Variants in GRIN2A observed in about 807,000 individuals in gnomAD.
The protein encoded by GRIN2A is glutamate ionotropic receptor NMDA type subunit 2A, also known as glutamate receptor ionotropic, NMDA 2A.
Under a neutral mutation model 113.4 loss-of-function variants are expected in GRIN2A, and 22 were observed. The ratio of observed to expected loss-of-function variants is 0.19; its 90% CI spans 0.14 to 0.28. The LOEUF is 0.28. Ranked by LOEUF, GRIN2A falls within the 10% of genes least tolerant of loss-of-function variation. The pLI is 1.00. For synonymous variants in GRIN2A, 827 were observed against 738.4 expected, an observed-to-expected ratio of 1.12 and a Z score of -1.94; for missense variants, 1,502 against 1,887.0, an observed-to-expected ratio of 0.80 and a Z score of 3.78.
In GRIN2A at chr16:9,924,950, C is replaced by T. The variant is rs2044428608; in HGVS notation, c.1007+13009G>A. The stretch of plus-strand genomic sequence containing the variant: ...TTAGAGTTACTCTCTATAGTAATAG[C>T]CCCATGTGCCAATTCCAACATTCAT... On this transcript the variant is annotated intron_variant, in intron 3 of 12. Transcript: ENST00000330684. Among the ~76,000 whole-genome samples the T allele has an allele frequency of 3.9e-5, 6 of 152,234 alleles. No individual in the cohort carries two copies. The South Asian group carries it at 1.2e-3, about 32-fold the overall frequency.
intron 10 of GRIN2A, among the ~76,000 whole-genome samples, chr16:9,815,021 CAAAAAAA>C (rs60827287): frequency 3.9e-5 from 3 of 76,350 alleles, no homozygotes; most frequent in Non-Finnish European, 6.4e-5. Flanking sequence ...AACTCCGTTT[CAAAAAAA>C]AAAAAAAAAA....
At chr16:9,847,624 T>C (rs2042797038) in intron 5 of GRIN2A, among the ~76,000 whole-genome samples, 1 of 149,804 alleles carries the variant, frequency 6.7e-6, no homozygotes, top group African/African-American at 2.5e-5. Context: ...TAATGTTTTA[T>C]ATATTTTTAA....
chr16:9,769,082 C>T lies in GRIN2A; in HGVS notation c.2364G>A (p.Met788Ile), dbSNP rs1163381321. The T allele has an allele frequency of 6.2e-7, 1 of 1,612,862 alleles. No homozygotes were observed. Among genetic ancestry groups the T allele is most frequent in the Non-Finnish European group, 8.5e-7 (1 of 1,178,854 alleles). ...ALLQFVGDGE[M>I]EELETLWLTG... ...TGAGCCACAGGGTCTCCAGCTCCTC[C>T]ATCTCACCTGGACAGATCACAACAT... The change falls in exon 12 of 13, where the codon ATG becomes ATA. Residue 788 changes from methionine (M) to isoleucine (I), a missense_variant. Transcript: ENST00000330684.
chr16:10,039,032 T>C (rs887052547), intron 2 of GRIN2A, among the ~76,000 whole-genome samples: 1 of 152,012 alleles, frequency 6.6e-6, no homozygotes, highest in African/African-American at 2.4e-5. Context: ...GTGTTTACTT[T>C]AGCTCTTTCC....
chr16:9,778,159 A>T (rs894510638), intron 11 of GRIN2A, among the ~76,000 whole-genome samples: 2 of 152,248 alleles, frequency 1.3e-5, no homozygotes, highest in Non-Finnish European at 2.9e-5. Flanking sequence ...TTGGACAATA[A>T]AAGATTGGAC....
intron 3 of GRIN2A, among the ~76,000 whole-genome samples, chr16:9,919,420 A>G (rs1403663459): frequency 2.0e-5 from 3 of 152,138 alleles, no homozygotes; most frequent in Admixed American, 2.0e-4. Flanking sequence ...ACCAAATTAG[A>G]TAGTGTGCCC....
chr16:9,913,581 T>G (rs1203286463), intron 3 of GRIN2A, among the ~76,000 whole-genome samples: 1 of 152,178 alleles, frequency 6.6e-6, no homozygotes, highest in Non-Finnish European at 1.5e-5. Flanking sequence ...TAACATAAGT[T>G]ATCGCATTTT....
intron 2 of GRIN2A, among the ~76,000 whole-genome samples, chr16:9,950,834 C>T (rs1048662703): frequency 6.6e-6 from 1 of 152,206 alleles, no homozygotes; most frequent in East Asian, 1.9e-4. Flanking sequence ...TTTCCACCAA[C>T]TTCATAGATC....
At chr16:9,982,001 A>G (rs111248073) in intron 2 of GRIN2A, among the ~76,000 whole-genome samples, 18,698 of 152,090 alleles carry the variant, frequency 0.12, 1,317 homozygotes, top group African/African-American at 0.16. Context: ...TTGTCCAGGC[A>G]GGTCTGGAAC....
intron 3 of GRIN2A, among the ~76,000 whole-genome samples, chr16:9,936,362 A>G (rs1039368009): frequency 6.6e-6 from 1 of 152,198 alleles, no homozygotes; most frequent in African/African-American, 2.4e-5. Context: ...TCACTTTGCA[A>G]TAAACACCTG....
intron 2 of GRIN2A, among the ~76,000 whole-genome samples, chr16:9,945,010 A>T (rs955618843): frequency 6.6e-6 from 1 of 152,162 alleles, no homozygotes; most frequent in Non-Finnish European, 1.5e-5. Context: ...GGAGACAAAC[A>T]AAGAAGGACA....
intron 2 of GRIN2A, among the ~76,000 whole-genome samples, chr16:10,124,744 C>T: frequency 6.6e-6 from 1 of 152,110 alleles, no homozygotes; most frequent in Admixed American, 6.5e-5. Context: ...AGCAGAGGCC[C>T]CACTCTCAAG....
At chr16:10,012,556 C>G (rs376464946) in intron 2 of GRIN2A, among the ~76,000 whole-genome samples, 1 of 152,132 alleles carries the variant, frequency 6.6e-6, no homozygotes, top group Non-Finnish European at 1.5e-5. Context: ...AGAACAATGG[C>G]CCCCAAAGGT....
chr16:10,147,080 G>A (rs1472759723), intron 2 of GRIN2A, among the ~76,000 whole-genome samples: 8 of 152,048 alleles, frequency 5.3e-5, no homozygotes, highest in Non-Finnish European at 1.2e-4. Context: ...ACAGTACTTT[G>A]TAAAGGAACA....
At chr16:10,061,303 GCAACCCTCAACCACCTAC>G (rs1337310826) in intron 2 of GRIN2A, among the ~76,000 whole-genome samples, 1 of 152,162 alleles carries the variant, frequency 6.6e-6, no homozygotes, top group Non-Finnish European at 1.5e-5. Context: ...AGCCACCTTG[GCAACCCTCAACCACCTAC>G]CTCCAGGCTG....
In GRIN2A at chr16:10,165,511, C is replaced by T. The variant is rs12929345; in HGVS notation, c.414+14487G>A. Among the ~76,000 whole-genome samples, 22 of 138,760 alleles carry T rather than the reference C, an allele frequency of 1.6e-4. No homozygotes were observed. In the East Asian group the frequency reaches 3.7e-3, roughly 23 times the overall value. The allele number at this position is 138,760 out of a possible 152,430, so 91.0% of individuals were successfully genotyped here. On this transcript the variant is annotated intron_variant, in intron 2 of 12. Coordinates refer to ENST00000330684, the MANE Select transcript of GRIN2A (RefSeq NM_001134407.3). ...TTCTTATATTTTTGATATATATATA[C>T]ATATATATATATATATGTATATATA...
intron 2 of GRIN2A, among the ~76,000 whole-genome samples, chr16:10,063,171 A>C (rs1387742286): frequency 6.6e-6 from 1 of 152,176 alleles, no homozygotes. Context: ...AGAGCTAAAC[A>C]CTGGGTATAC....
At chr16:9,774,277 T>G (rs1448243115) in intron 11 of GRIN2A, among the ~76,000 whole-genome samples, 1 of 152,206 alleles carries the variant, frequency 6.6e-6, no homozygotes, top group Non-Finnish European at 1.5e-5. Context: ...AAAGAATGTT[T>G]CAGGTAGAAA....
intron 2 of GRIN2A, among the ~76,000 whole-genome samples, chr16:10,024,083 A>G (rs977501448): frequency 7.9e-5 from 12 of 152,184 alleles, no homozygotes; most frequent in African/African-American, 2.9e-4. Context: ...CTTAAGAACC[A>G]TGGCATTCAC....
Sources: allele counts gnomAD v4.1 joint callset (sites outside exome capture counted in the v4.1 genomes callset), GRCh38; gene constraint gnomAD v4.1.1; transcripts MANE v1.5; gene names NCBI Gene and HGNC (gene_info 2026-07-23, HGNC 2026-07-21).